Variants in TEX11 observed in about 807,000 individuals in gnomAD.
The protein encoded by TEX11 is testis-expressed protein 11.
Under a neutral mutation model 84.4 loss-of-function variants are expected in TEX11, and 7 were observed. That is an observed-to-expected ratio of 0.08 (90% CI 0.05 to 0.16). TEX11 has a LOEUF of 0.16. TEX11 is among the 10% of genes least tolerant of loss of function. The probability of loss-of-function intolerance (pLI) is 1.00; values close to 1 mark genes in which losing one functional copy is unlikely to be tolerated. For missense variants in TEX11, 551 were observed against 660.5 expected, an observed-to-expected ratio of 0.83 and a Z score of 1.82; for synonymous variants, 264 against 222.8, an observed-to-expected ratio of 1.18 and a Z score of -1.64.
intron 13 of TEX11, among the ~76,000 whole-genome samples, chrX:70,691,668 G>A (rs1021847627): frequency 3.6e-5 from 4 of 111,211 alleles, no homozygotes; most frequent in African/African-American, 1.3e-4. Flanking sequence ...TTCATTGGGT[G>A]GGGGAATGGG....
intron 8 of TEX11, among the ~76,000 whole-genome samples, chrX:70,813,993 G>A (rs1443790325): frequency 9.0e-6 from 1 of 111,612 alleles, no homozygotes; most frequent in Non-Finnish European, 1.9e-5. Flanking sequence ...TCATGGATAG[G>A]AATAATCAAT....
chrX:70,689,899 A>T (rs1455299651), intron 13 of TEX11, among the ~76,000 whole-genome samples: 3 of 111,999 alleles, frequency 2.7e-5, no homozygotes. Context: ...AATCAAGGCT[A>T]ATATCAACAT....
At chrX:70,599,085 C>T (rs1364708062) in intron 24 of TEX11, among the ~76,000 whole-genome samples, 1 of 111,058 alleles carries the variant, frequency 9.0e-6, no homozygotes, top group Non-Finnish European at 1.9e-5. Context: ...AAAATATAAT[C>T]AAGGATAGGG....
chrX:70,544,319 G>A (rs961784177), intron 28 of TEX11, among the ~76,000 whole-genome samples: 49 of 111,557 alleles, frequency 4.4e-4, no homozygotes, highest in South Asian at 1.9e-3. Flanking sequence ...TTGAACCTGA[G>A]TTTGAGACCA....
intron 20 of TEX11, among the ~76,000 whole-genome samples, chrX:70,619,254 GA>G (rs775769522): frequency 9.0e-6 from 1 of 111,722 alleles, no homozygotes; most frequent in Non-Finnish European, 1.9e-5. Context: ...CTTTATGTCA[GA>G]ATTCCTAAGG....
chrX:70,849,780 A>G lies in TEX11; in HGVS notation c.525+3254T>C, dbSNP rs144534909. ...CACTTATCAAAGTCAAGAATTATAT[A>G]GTTCTCATTACTGATTATAACAACT... On this transcript the variant is annotated intron_variant, in intron 7 of 29. Transcript: ENST00000374333. 9.4e-3 allele frequency among the ~76,000 whole-genome samples: 1,050 copies of G among 112,271 alleles called. 34 individuals carry two copies. The highest frequency in any genetic ancestry group is 0.093 in the Admixed American group (979 of 10,515).
rs770715653 is a variant in TEX11 at position 70,651,512 on chromosome X, C to T, written c.1421G>A (p.Arg474Lys). ...TATATAAAATTGAGTGAAAACGTTC[C>T]TAGGGTCATGTCGTTCAGCTTCTGC... ...AVAEAERHDP[R>K]NVFTQFYIFK... The change falls in exon 17 of 30, where the codon AGG becomes AAG. Residue 474 changes from arginine to lysine, a missense_variant. Coordinates refer to ENST00000374333, the MANE Select transcript of TEX11 (RefSeq NM_031276.3). 16 of 1,205,700 alleles carry T rather than the reference C, an allele frequency of 1.3e-5. No homozygotes were observed. The highest frequency in any genetic ancestry group is 1.1e-6 in the Non-Finnish European group (1 of 892,847).
At chrX:70,624,779 G>T in intron 19 of TEX11, 60 bp downstream of exon 19, 1 of 974,275 alleles carries the variant, frequency 1.0e-6, no homozygotes, top group South Asian at 2.3e-5. Context: ...GCAGTTTATT[G>T]ACTAAGAGCA....
rs1281581254 is a variant in TEX11, at chrX:70,777,574, A to G, written c.692+29131T>C. On this transcript the variant is annotated intron_variant, in intron 9 of 29. Coordinates refer to ENST00000374333, the MANE Select transcript of TEX11 (RefSeq NM_031276.3). Reference sequence around the variant, plus strand: ...TGAGGCAGGAGAATTACTTGAACCCAGGAGGCAGACGTTGCGGTGAGCCGA... The same window carrying G: ...TGAGGCAGGAGAATTACTTGAACCCGGGAGGCAGACGTTGCGGTGAGCCGA... 7.1e-5 allele frequency among the ~76,000 whole-genome samples: 8 copies of G among 112,095 alleles called. No individual in the cohort carries two copies. The Admixed American group carries it at 7.6e-4, about 11-fold the overall frequency.
At chrX:70,899,845 T>TAAAA (rs746225121) in intron 2 of TEX11, among the ~76,000 whole-genome samples, 4 of 30,614 alleles carry the variant, frequency 1.3e-4, no homozygotes, top group Admixed American at 5.2e-4. Flanking sequence ...GGTCCTGTAT[T>TAAAA]AAAAAAAAAA....
intron 11 of TEX11, among the ~76,000 whole-genome samples, chrX:70,733,867 C>T (rs773216941): frequency 5.4e-5 from 6 of 111,345 alleles, no homozygotes; most frequent in South Asian, 7.7e-4. Context: ...ATGTTTATTG[C>T]GGCACTATTC....
chrX:70,624,251 G>C (rs754038538), intron 19 of TEX11, among the ~76,000 whole-genome samples: 2 of 111,983 alleles, frequency 1.8e-5, no homozygotes, highest in South Asian at 7.4e-4. Flanking sequence ...CAAAAGCGTT[G>C]CTTATAACAA....
At chrX:70,796,077 C>T (rs1359090171) in intron 9 of TEX11, among the ~76,000 whole-genome samples, 1 of 111,243 alleles carries the variant, frequency 9.0e-6, no homozygotes, top group Non-Finnish European at 1.9e-5. Flanking sequence ...TCAAATTAGC[C>T]CTTTTGAGGA....
At chrX:70,877,418 T>C (rs900087025) in intron 3 of TEX11, among the ~76,000 whole-genome samples, 15 of 111,921 alleles carry the variant, frequency 1.3e-4, no homozygotes, top group Non-Finnish European at 2.6e-4. Flanking sequence ...GTACCCTTGT[T>C]CACTACTAAT....
intron 18 of TEX11, among the ~76,000 whole-genome samples, chrX:70,627,452 A>G (rs923796672): frequency 3.6e-5 from 4 of 111,444 alleles, no homozygotes; most frequent in African/African-American, 1.3e-4. Context: ...CATGATAGCT[A>G]ATCTATGGTG....
chrX:70,762,398 A>T (rs1180079328), intron 9 of TEX11, among the ~76,000 whole-genome samples: 1 of 111,788 alleles, frequency 8.9e-6, no homozygotes, highest in Non-Finnish European at 1.9e-5. Flanking sequence ...CAGGAAAAAA[A>T]CGTTTAAAAG....
At chrX:70,861,987 T>C (rs2091572667) in intron 4 of TEX11, among the ~76,000 whole-genome samples, 1 of 110,297 alleles carries the variant, frequency 9.1e-6, no homozygotes, top group African/African-American at 3.3e-5. Flanking sequence ...TCTAAATATA[T>C]ATATATTTTT....
chrX:70,760,572 C>T (rs2090901835), intron 9 of TEX11, among the ~76,000 whole-genome samples: 1 of 111,821 alleles, frequency 8.9e-6, no homozygotes, highest in Non-Finnish European at 1.9e-5. Flanking sequence ...AAAGCTGAAA[C>T]TGGATCCCTT....
Position 70,861,223 on chromosome X carries a change from G to A in TEX11, c.245-287C>T, listed in dbSNP as rs1049694506. ...ACTACAGGCGCCCGCCACTACGCCC[G>A]GCTAATTTTTTGTATTTTTAGTAGA... On this transcript the variant is annotated intron_variant, in intron 4 of 29. Transcript: ENST00000374333. Among the ~76,000 whole-genome samples the A allele has an allele frequency of 6.7e-5, 7 of 104,271 alleles. No homozygotes were observed. In the East Asian group the frequency reaches 2.1e-3, roughly 32 times the overall value. The allele number at this position is 104,271 out of a possible 115,157, so 90.5% of individuals were successfully genotyped here.
Sources: allele counts gnomAD v4.1 joint callset (sites outside exome capture counted in the v4.1 genomes callset), GRCh38; gene constraint gnomAD v4.1.1; transcripts MANE v1.5; gene names NCBI Gene and HGNC (gene_info 2026-07-23, HGNC 2026-07-21).